The following RPS7 variants were observed in gnomAD, a reference collection of about 807,000 sequenced individuals.
RPS7 encodes the protein small ribosomal subunit protein eS7.
Under a neutral mutation model 22.1 loss-of-function variants are expected in RPS7, and 1 was observed. The ratio of observed to expected loss-of-function variants is 0.05; its 90% CI spans 0.02 to 0.21. The LOEUF is 0.21. RPS7 is among the 10% of genes least tolerant of loss of function. RPS7 has a pLI of 1.00. For synonymous variants in RPS7, 80 were observed against 92.0 expected, an observed-to-expected ratio of 0.87 and a Z score of 0.74; for missense variants, 137 against 246.4, an observed-to-expected ratio of 0.56 and a Z score of 2.97.
Position 3,580,841 on chromosome 2 carries a change from G to A in RPS7, c.544G>A (p.Gly182Ser), listed in dbSNP as rs748715934. 2.5e-6 allele frequency: 4 copies of A among 1,598,990 alleles called. No homozygotes were observed. The highest frequency in any genetic ancestry group is 3.4e-6 in the Non-Finnish European group (4 of 1,168,962). The change falls in exon 7 of 7, where the codon GGC becomes AGC. Residue 182 changes from glycine (G) to serine (S), a missense_variant. Around this residue, in one of 2 missense-constraint regions of RPS7, gnomAD observed 74 missense variants for 171.4 expected, o/e 0.43. Coordinates refer to ENST00000645674, the MANE Select transcript of RPS7 (RefSeq NM_001011.4). ...TTCTGGTGTCTATAAGAAGCTCACG[G>A]GCAAGGATGTTAATTTTGAATTCCC... ...TFSGVYKKLTGKDVNFEFPEF... is the reference protein window; with the variant it reads ...TFSGVYKKLTSKDVNFEFPEF...
chr2:3,580,357 G>A, intron 6 of RPS7, 97 bp downstream of exon 6: 1 of 1,074,464 alleles, frequency 9.3e-7, no homozygotes, highest in Non-Finnish European at 1.4e-6. Flanking sequence ...AATGACTGTA[G>A]TAAACTCAGG....
Position 3,575,526 on chromosome 2 carries a change from G to C in RPS7, c.-18-66G>C, listed in dbSNP as rs1661254418. 48 of 1,136,736 alleles carry C rather than the reference G, an allele frequency of 4.2e-5. No individual in the cohort carries two copies. The South Asian group carries it at 5.8e-4, about 14-fold the overall frequency. The allele number at this position is 1,136,736 out of a possible 1,614,324, so 70.4% of individuals were successfully genotyped here. A position where few individuals can be genotyped will look rare whatever the true frequency, so the allele number is the denominator to read the frequency against. On this transcript the variant is annotated intron_variant, in intron 1 of 6. Transcript: ENST00000645674. ...CGAGCGGGGCCTGGCCGGGGGGTGC[G>C]GGCGGGAGGGCGAGCCAGCGGCGCC...
At chr2:3,575,912 G>T in intron 3 of RPS7, 24 bp downstream of exon 3, 1 of 1,557,350 alleles carries the variant, frequency 6.4e-7, no homozygotes, top group East Asian at 2.3e-5. Context: ...CCCTCGGCTG[G>T]GAGGGAGGTT....
intron 4 of RPS7, 152 bp from the exon 5 acceptor site, chr2:3,577,558 C>T (rs1661309067): frequency 4.6e-6 from 3 of 656,646 alleles, no homozygotes; most frequent in Non-Finnish European, 8.3e-6. Context: ...GAAGGGTTTG[C>T]TCAGTCAATT....
Position 3,576,292 on chromosome 2 carries a change from C to T in RPS7, c.148-195C>T, listed in dbSNP as rs1661278432. On this transcript the variant is annotated intron_variant, in intron 3 of 6. Transcript: ENST00000645674. ...CCTCCTGGCCTGAACAGTCTCCCTT[C>T]CTGGAATAAGGAAATGTGAAGGTTG... is the stretch of plus-strand genomic sequence containing the variant. 4.5e-6 allele frequency: 3 copies of T among 664,936 alleles called. No homozygotes were observed. In the South Asian group the frequency reaches 5.3e-5, roughly 12 times the overall value. The allele number at this position is 664,936 out of a possible 1,614,324, so 41.2% of individuals were successfully genotyped here. A position where few individuals can be genotyped will look rare whatever the true frequency, so the allele number is the denominator to read the frequency against.
chr2:3,578,071 G>A (rs1383772970), intron 5 of RPS7: 8 of 378,628 alleles, frequency 2.1e-5, no homozygotes, highest in Admixed American at 8.7e-5. Context: ...TTAATTCTGT[G>A]ATATAGCATG....
intron 1 of RPS7, 58 bp downstream of exon 1, chr2:3,575,408 T>G: frequency 1.7e-6 from 1 of 588,806 alleles, no homozygotes; most frequent in Admixed American, 3.2e-5. Flanking sequence ...GGAAAACGCC[T>G]TTTGGAGTCA....
intron 4 of RPS7, 156 bp from the exon 5 acceptor site, chr2:3,577,554 T>C: frequency 1.5e-6 from 1 of 650,812 alleles, no homozygotes; most frequent in Admixed American, 2.6e-5. Context: ...CATAGAAGGG[T>C]TTGCTCAGTC....
intron 1 of RPS7, 68 bp from the exon 2 acceptor site, chr2:3,575,524 G>A (rs1194455863): frequency 9.1e-7 from 1 of 1,102,496 alleles, no homozygotes; most frequent in Non-Finnish European, 1.4e-6. Flanking sequence ...GCCGGGGGGT[G>A]CGGGCGGGAG....
intron 4 of RPS7, chr2:3,576,903 A>G: frequency 2.1e-6 from 1 of 473,754 alleles, no homozygotes; most frequent in Non-Finnish European, 3.9e-6. Flanking sequence ...AAAGAAAGAT[A>G]AAGTACGTTC....
intron 4 of RPS7, 122 bp from the exon 5 acceptor site, chr2:3,577,588 C>T: frequency 1.4e-6 from 1 of 726,282 alleles, no homozygotes; most frequent in Non-Finnish European, 2.5e-6. Context: ...AGTTGTTTAG[C>T]CTTCTCGAAC....
chr2:3,580,528 AG>A, intron 6 of RPS7: 1 of 628,460 alleles, frequency 1.6e-6, no homozygotes, highest in East Asian at 2.7e-5. Context: ...TTGGTGAGTT[AG>A]GGGTGGGTGG....
Position 3,575,574 on chromosome 2 carries a change from T to C in RPS7, c.-18-18T>C. ...GCCTGCAGCCCGGGCCGCGTAACGC[T>C]GACCGCTGTGCCTTCAGTTCTCCCA... is the stretch of plus-strand genomic sequence containing the variant. On this transcript the variant is annotated intron_variant, in intron 1 of 6. Coordinates refer to ENST00000645674, the MANE Select transcript of RPS7 (RefSeq NM_001011.4). 1.3e-6 allele frequency: 2 copies of C among 1,587,216 alleles called. No individual in the cohort carries two copies. The highest frequency in any genetic ancestry group is 2.2e-5 in the South Asian group (2 of 90,554).
intron 6 of RPS7, chr2:3,580,561 G>T (rs1661382556): frequency 1.6e-6 from 1 of 621,966 alleles, no homozygotes. Flanking sequence ...GTGTCTTGGG[G>T]GGACATAACC....
At chr2:3,576,386 C>A in intron 3 of RPS7, 101 bp from the exon 4 acceptor site, 3 of 984,166 alleles carry the variant, frequency 3.0e-6, no homozygotes, top group Non-Finnish European at 4.9e-6. Context: ...GTTTGTAGTG[C>A]AGCTACGGTG....
intron 3 of RPS7, 25 bp downstream of exon 3, chr2:3,575,913 G>C (rs752264635): frequency 1.3e-6 from 2 of 1,561,310 alleles, no homozygotes; most frequent in Admixed American, 3.5e-5. Flanking sequence ...CCTCGGCTGG[G>C]AGGGAGGTTG....
Position 3,577,811 on chromosome 2 carries a change from C to T in RPS7, c.356+37C>T, listed in dbSNP as rs549865430. 4.0e-5 allele frequency: 52 copies of T among 1,293,382 alleles called. No individual in the cohort carries two copies. In the South Asian group the frequency reaches 4.5e-4, roughly 11 times the overall value. The allele number at this position is 1,293,382 out of a possible 1,614,324, so 80.1% of individuals were successfully genotyped here. A position where few individuals can be genotyped will look rare whatever the true frequency, so the allele number is the denominator to read the frequency against. On this transcript the variant is annotated intron_variant, in intron 5 of 6. Coordinates refer to ENST00000645674, the MANE Select transcript of RPS7 (RefSeq NM_001011.4). Reference sequence around the variant, plus strand: ...AGTAGTTTCAGAAATGTGTGTACCCCTCTTATTAACAACTCTTAATTTGTT... The same window carrying T: ...AGTAGTTTCAGAAATGTGTGTACCCTTCTTATTAACAACTCTTAATTTGTT...
chr2:3,577,846 G>C (rs981224165), intron 5 of RPS7, 72 bp downstream of exon 5: 4 of 1,089,870 alleles, frequency 3.7e-6, no homozygotes, highest in African/African-American at 3.1e-5. Flanking sequence ...TTAAGTTGTA[G>C]TTTATGAAAA....
At chr2:3,575,459 A>T in intron 1 of RPS7, 109 bp downstream of exon 1, 1 of 669,886 alleles carries the variant, frequency 1.5e-6, no homozygotes, top group Non-Finnish European at 2.7e-6. Context: ...GTGGGGATAC[A>T]GCCGATTACC....
Sources: allele counts gnomAD v4.1 joint callset, GRCh38; gene constraint gnomAD v4.1.1; regional missense constraint gnomAD v4.1.1; transcripts MANE v1.5; gene names NCBI Gene and HGNC (gene_info 2026-07-23, HGNC 2026-07-21).